Variants in TRPM8 observed in about 807,000 individuals in gnomAD.
The protein encoded by TRPM8 is transient receptor potential cation channel subfamily M member 8, also known as TRPM8 cationic channel.
In TRPM8, 110 loss-of-function variants were observed where a neutral mutation model predicts 133.7. The ratio of observed to expected loss-of-function variants is 0.82; its 90% CI spans 0.70 to 0.96. The LOEUF (loss-of-function observed/expected upper bound fraction) is 0.96, where lower values mean the gene tolerates loss of function less well. TRPM8 is among the 40% of genes least tolerant of loss of function. The pLI, the probability that TRPM8 is intolerant of heterozygous loss-of-function variation, is 0.00. For missense variants in TRPM8, 1,291 were observed against 1,379.5 expected, an observed-to-expected ratio of 0.94 and a Z score of 1.02; for synonymous variants, 535 against 532.3, an observed-to-expected ratio of 1.01 and a Z score of -0.07.
chr2:233,973,983 A>G (rs1290534017), intron 17 of TRPM8, among the ~76,000 whole-genome samples: 2 of 152,218 alleles, frequency 1.3e-5, no homozygotes, highest in African/African-American at 4.8e-5. Context: ...GTAGTTGACC[A>G]TGACAAAGAC....
intron 4 of TRPM8, 87 bp from the exon 5 acceptor site, chr2:233,938,911 G>C: frequency 6.9e-7 from 1 of 1,445,028 alleles, no homozygotes; most frequent in Non-Finnish European, 9.5e-7. Context: ...GCAGGCAAGC[G>C]TGGGCTTGGA....
At chr2:233,941,741 G>A (rs1279035544) in intron 5 of TRPM8, among the ~76,000 whole-genome samples, 1 of 151,968 alleles carries the variant, frequency 6.6e-6, no homozygotes, top group African/African-American at 2.4e-5. Flanking sequence ...GCTGCCCCCC[G>A]CCGCAATAAA....
chr2:233,963,288 TCTC>T lies in TRPM8; in HGVS notation c.1663_1665del (p.Pro555del). 6.2e-7 allele frequency: 1 copy of T among 1,611,568 alleles called. No individual in the cohort carries two copies. The highest frequency in any genetic ancestry group is 8.5e-7 in the Non-Finnish European group (1 of 1,178,078). Reference sequence around the variant, plus strand: ...ACATGCTCTAACCCCCCAGGACGTGTCTCCTATTACTCGGCACCCCCTGCAAGC... The same window carrying T: ...ACATGCTCTAACCCCCCAGGACGTGTCTATTACTCGGCACCCCCTGCAAGC... On this transcript the variant is annotated inframe_deletion, in exon 13 of 26. Transcript: ENST00000324695.
chr2:234,005,894 C>T (rs1246213375), intron 22 of TRPM8, among the ~76,000 whole-genome samples: 1 of 149,600 alleles, frequency 6.7e-6, no homozygotes, highest in Non-Finnish European at 1.5e-5. Flanking sequence ...CACCACTGCA[C>T]TCCAGCCTGG....
At chr2:234,013,608 ACT>A (rs201118767) in intron 24 of TRPM8, 1 of 151,534 alleles carries the variant, frequency 6.6e-6, no homozygotes, top group East Asian at 1.9e-4. Context: ...TTGTTTTTCA[ACT>A]CTCTTTTTTA....
intron 21 of TRPM8, among the ~76,000 whole-genome samples, chr2:233,988,839 G>A (rs1304546502): frequency 6.6e-6 from 1 of 152,200 alleles, no homozygotes; most frequent in East Asian, 1.9e-4. Flanking sequence ...CTGAGCTGCA[G>A]AGAGAAGCAG....
intron 2 of TRPM8, among the ~76,000 whole-genome samples, chr2:233,927,767 T>TTCCTTCCTTCC (rs1491553147): frequency 7.4e-5 from 5 of 67,436 alleles, no homozygotes; most frequent in African/African-American, 6.0e-4. Context: ...TCTTTCTTTC[T>TTCCTTCCTTCC]TTCTTTCTTT....
intron 6 of TRPM8, 26 bp from the exon 7 acceptor site, chr2:233,945,830 A>C (rs1046750434): frequency 2.5e-6 from 4 of 1,595,976 alleles, no homozygotes; most frequent in Non-Finnish European, 3.4e-6. Context: ...TACAATCTCA[A>C]AGACAAGTTT....
At chr2:233,947,025 T>G in intron 7 of TRPM8, 63 bp from the exon 8 acceptor site, 1 of 1,511,416 alleles carries the variant, frequency 6.6e-7, no homozygotes, top group Non-Finnish European at 9.1e-7. Flanking sequence ...GTCCAACTTT[T>G]CACAGAGGTA....
Position 234,018,411 on chromosome 2 carries a change from A to C in TRPM8, c.*1155A>C, listed in dbSNP as rs945053843. 1 of 151,372 alleles carries C rather than the reference A, an allele frequency of 6.6e-6. No individual in the cohort carries two copies. The highest frequency in any genetic ancestry group is 6.6e-5 in the Admixed American group (1 of 15,210). The allele number at this position is 151,372 out of a possible 1,614,324, so 9.4% of individuals were successfully genotyped here. On this transcript the variant is annotated 3_prime_UTR_variant, in exon 26 of 26. Transcript: ENST00000324695. ...AATTTTCCAAGGTTAGATTCCAATA[A>C]ATATCTATTTATTATTAAATATTAA...
At chr2:233,973,358 C>A (rs987942738) in intron 17 of TRPM8, among the ~76,000 whole-genome samples, 2 of 152,180 alleles carry the variant, frequency 1.3e-5, no homozygotes, top group African/African-American at 4.8e-5. Context: ...GGAGGCTGTG[C>A]GGGAGACTCT....
chr2:233,992,149 C>T (rs1005646457), intron 21 of TRPM8, among the ~76,000 whole-genome samples: 8 of 151,994 alleles, frequency 5.3e-5, no homozygotes, highest in Non-Finnish European at 7.4e-5. Context: ...CGTTTTGGTA[C>T]GTAAGAAGGT....
intron 3 of TRPM8, among the ~76,000 whole-genome samples, chr2:233,931,440 G>A (rs939632275): frequency 1.5e-4 from 23 of 152,218 alleles, no homozygotes; most frequent in Non-Finnish European, 3.4e-4. Context: ...AGTTGCTGCT[G>A]TAGTTTATAA....
At chr2:233,959,324 C>G (rs113859615) in intron 11 of TRPM8, among the ~76,000 whole-genome samples, 1 of 129,924 alleles carries the variant, frequency 7.7e-6, no homozygotes. Context: ...CCTCGCCCAG[C>G]CTTTTTTTTT....
At chr2:234,010,877 G>A (rs1322991741) in intron 24 of TRPM8, among the ~76,000 whole-genome samples, 1 of 152,176 alleles carries the variant, frequency 6.6e-6, no homozygotes, top group Admixed American at 6.5e-5. Context: ...GATATTAGGT[G>A]CTTACTGATA....
intron 15 of TRPM8, 35 bp downstream of exon 15, chr2:233,966,790 G>C: frequency 6.8e-7 from 1 of 1,478,874 alleles, no homozygotes; most frequent in Non-Finnish European, 9.0e-7. Flanking sequence ...CACACGGCCA[G>C]AAATGGGGCT....
rs1253864335 is a variant in TRPM8, at chr2:233,927,908, TTCTCTCTCTCTC to T, written c.117+1258_117+1269del. 3.0e-3 allele frequency among the ~76,000 whole-genome samples: 118 copies of T among 38,854 alleles called. 16 individuals carry two copies. Among genetic ancestry groups the T allele is most frequent in the African/African-American group, 0.022 (114 of 5,124 alleles). 25.5% of individuals were successfully genotyped at this position (38,854 alleles called of 152,430 possible). On this transcript the variant is annotated intron_variant, in intron 2 of 25. Coordinates refer to ENST00000324695, the MANE Select transcript of TRPM8 (RefSeq NM_024080.5). Reference sequence around the variant, plus strand: ...TTTCTTTCTTTCTTTCTTTCTTTCTTTCTCTCTCTCTCTCTTTCTCTCTCTCTCTCTCTCTCT... The same window carrying T: ...TTTCTTTCTTTCTTTCTTTCTTTCTTTCTTTCTCTCTCTCTCTCTCTCTCT...
At chr2:233,938,883 C>T in intron 4 of TRPM8, 115 bp from the exon 5 acceptor site, 1 of 1,225,364 alleles carries the variant, frequency 8.2e-7, no homozygotes, top group Admixed American at 2.1e-5. Context: ...CTGCCCCCAC[C>T]CCGCCCCTCT....
chr2:233,926,189 A>G (rs1299719125), intron 1 of TRPM8, among the ~76,000 whole-genome samples: 1 of 152,180 alleles, frequency 6.6e-6, no homozygotes, highest in Non-Finnish European at 1.5e-5. Flanking sequence ...CCTCAGATGG[A>G]GTGCACTGTG....
Sources: gnomAD v4.1 joint callset for allele counts (sites outside exome capture counted in the v4.1 genomes callset) on GRCh38, gnomAD v4.1.1 for gene constraint, MANE v1.5 for transcripts, NCBI Gene and HGNC (gene_info 2026-07-23, HGNC 2026-07-21) for gene names.